Variants in RSU1 observed in about 807,000 individuals in gnomAD.
RSU1 encodes the protein rsu-1.
RSU1 carries 26 observed loss-of-function variants against 31.1 expected under a neutral mutation model. The ratio of observed to expected loss-of-function variants is 0.84; its 90% CI spans 0.61 to 1.16. RSU1 has a LOEUF of 1.16. Among genes scored for constraint, RSU1 ranks in the 50% most tolerant of loss-of-function variants. The pLI, the probability that RSU1 is intolerant of heterozygous loss-of-function variation, is 0.00. For synonymous variants in RSU1, 164 were observed against 136.3 expected (o/e 1.20, Z -1.41); for missense variants, 320 against 339.1 (o/e 0.94, Z 0.44).
At chr10:16,677,481 A>G (rs1412408026) in intron 8 of RSU1, among the ~76,000 whole-genome samples, 1 of 152,192 alleles carries the variant, frequency 6.6e-6, no homozygotes, top group Non-Finnish European at 1.5e-5. Flanking sequence ...TTTATAATGC[A>G]GGTCCTGAAT....
chr10:16,813,198 C>T lies in RSU1; in HGVS notation c.109+3775G>A, dbSNP rs553601407. On this transcript the variant is annotated intron_variant, in intron 2 of 8. Transcript: ENST00000345264. ...ACACTGGTGTTCTTGGAAGCTTTAACGAGAATGTGTGTGCAAATTACATGC... is the reference window on the plus strand; with the variant it reads ...ACACTGGTGTTCTTGGAAGCTTTAATGAGAATGTGTGTGCAAATTACATGC... Among the ~76,000 whole-genome samples, 112 of 152,012 alleles carry T rather than the reference C, an allele frequency of 7.4e-4. 1 individual carries two copies. Among genetic ancestry groups the T allele is most frequent in the Non-Finnish European group, 8.2e-4 (56 of 67,984 alleles).
chr10:16,791,815 G>A (rs1003483765), intron 2 of RSU1, among the ~76,000 whole-genome samples: 2 of 152,232 alleles, frequency 1.3e-5, no homozygotes, highest in Non-Finnish European at 2.9e-5. Context: ...CCACAGCCCT[G>A]TAAGATGACA....
At chr10:16,599,116 T>C (rs983775999) in intron 8 of RSU1, among the ~76,000 whole-genome samples, 31 of 152,266 alleles carry the variant, frequency 2.0e-4, no homozygotes, top group African/African-American at 7.0e-4. Flanking sequence ...TGCATGTACC[T>C]GGATTGAATT....
At chr10:16,664,583 G>C (rs180823135) in intron 8 of RSU1, among the ~76,000 whole-genome samples, 2 of 152,220 alleles carry the variant, frequency 1.3e-5, no homozygotes, top group Non-Finnish European at 2.9e-5. Context: ...CTGGGTTAGA[G>C]TCTGCAGTCC....
In RSU1 at chr10:16,735,316, G is replaced by A. The variant is rs111318207; in HGVS notation, c.598+17223C>T. Reference sequence around the variant, plus strand: ...GAAGTCTGATATGCATCCTAATACCGCTATGTCTGCTATGGAATCCAGCCA... The same window carrying A: ...GAAGTCTGATATGCATCCTAATACCACTATGTCTGCTATGGAATCCAGCCA... On this transcript the variant is annotated intron_variant, in intron 7 of 8. Transcript: ENST00000345264. Among the ~76,000 whole-genome samples, 377 of 152,268 alleles carry A rather than the reference G, an allele frequency of 2.5e-3. 3 individuals are homozygous for A. Among genetic ancestry groups the A allele is most frequent in the African/African-American group, 7.5e-3 (312 of 41,546 alleles).
chr10:16,694,092 CGTGGAA>C (rs1323027888), intron 8 of RSU1, among the ~76,000 whole-genome samples: 1 of 151,948 alleles, frequency 6.6e-6, no homozygotes, highest in Non-Finnish European at 1.5e-5. Flanking sequence ...AACAGAAGCA[CGTGGAA>C]GTGGCAGAAT....
rs1833492502 is a variant in RSU1, at chr10:16,590,802, CA to C, written c.*2591del. On this transcript the variant is annotated 3_prime_UTR_variant, in exon 9 of 9. Transcript: ENST00000345264. The stretch of plus-strand genomic sequence containing the variant: ...AATTTTTATGCACACGTATTACAAA[CA>C]AGCTTCCTTTTGACACAGCTGGGAC... The C allele has an allele frequency of 6.6e-6, 1 of 152,216 alleles. No individual in the cohort carries two copies. Among genetic ancestry groups the C allele is most frequent in the African/African-American group, 2.4e-5 (1 of 41,472 alleles). The allele number at this position is 152,216 out of a possible 1,614,324, so 9.4% of individuals were successfully genotyped here.
intron 2 of RSU1, among the ~76,000 whole-genome samples, chr10:16,801,879 A>T (rs1490054234): frequency 6.6e-6 from 1 of 152,122 alleles, no homozygotes; most frequent in Admixed American, 6.5e-5. Flanking sequence ...AGCAAAATCA[A>T]TGCTAAAGGA....
intron 8 of RSU1, among the ~76,000 whole-genome samples, chr10:16,612,255 A>G (rs1211770238): frequency 6.6e-6 from 1 of 152,218 alleles, no homozygotes; most frequent in Non-Finnish European, 1.5e-5. Flanking sequence ...AAATGTTGCA[A>G]TATGTATGCT....
At chr10:16,621,429 G>C (rs890583358) in intron 8 of RSU1, among the ~76,000 whole-genome samples, 10 of 152,172 alleles carry the variant, frequency 6.6e-5, no homozygotes, top group African/African-American at 2.4e-4. Context: ...TTTCCTTCCA[G>C]TAGTGGTTCC....
At chr10:16,788,341 G>A (rs939688199) in intron 2 of RSU1, among the ~76,000 whole-genome samples, 8 of 152,250 alleles carry the variant, frequency 5.3e-5, no homozygotes, top group East Asian at 1.9e-4. Context: ...ATTCATATAC[G>A]GAAGCCCGAA....
At chr10:16,733,322 C>G (rs1382845948) in intron 7 of RSU1, among the ~76,000 whole-genome samples, 5 of 132,956 alleles carry the variant, frequency 3.8e-5, no homozygotes, top group Admixed American at 2.4e-4. Context: ...GAAACCCCAT[C>G]TCTACGACAA....
chr10:16,772,615 A>T (rs1330022849), intron 3 of RSU1, among the ~76,000 whole-genome samples: 1 of 144,858 alleles, frequency 6.9e-6, no homozygotes, highest in African/African-American at 2.6e-5. Flanking sequence ...ATTCCAAAAC[A>T]CTGGAAAGAG....
rs1479557865 is a variant in RSU1, at chr10:16,752,976, C to G, written c.425G>C (p.Ser142Thr). ...CGGCAGGATTTCAAAATCGTTGTCA[C>G]TTAGATAGAGTGCACGCAGGGTGGC... ...YLTTLRALYL[S>T]DNDFEILPPD... Residue 142 changes from serine (S) to threonine (T), a missense_variant, in exon 6 of 9, where the codon AGT (serine) becomes ACT (threonine). Coordinates refer to ENST00000345264, the MANE Select transcript of RSU1 (RefSeq NM_012425.4). The G allele has an allele frequency of 6.2e-7, 1 of 1,613,780 alleles. No individual in the cohort carries two copies. The highest frequency in any genetic ancestry group is 1.3e-5 in the African/African-American group (1 of 74,922).
At chr10:16,732,150 C>A (rs947498032) in intron 7 of RSU1, among the ~76,000 whole-genome samples, 2 of 152,138 alleles carry the variant, frequency 1.3e-5, no homozygotes, top group Admixed American at 6.5e-5. Context: ...ATGGGAAGTA[C>A]ACAAAGGGAC....
At chr10:16,597,512 C>T (rs917095667) in intron 8 of RSU1, among the ~76,000 whole-genome samples, 2 of 152,122 alleles carry the variant, frequency 1.3e-5, no homozygotes, top group Non-Finnish European at 2.9e-5. Context: ...CCTCCCTCTC[C>T]GTGCCTCAGT....
At chr10:16,657,049 G>C (rs973815501) in intron 8 of RSU1, among the ~76,000 whole-genome samples, 1 of 152,176 alleles carries the variant, frequency 6.6e-6, no homozygotes, top group African/African-American at 2.4e-5. Context: ...TTATTCCGCA[G>C]AGATTTTCCT....
intron 8 of RSU1, among the ~76,000 whole-genome samples, chr10:16,644,850 C>T (rs1393578653): frequency 1.3e-5 from 2 of 152,176 alleles, no homozygotes; most frequent in African/African-American, 2.4e-5. Flanking sequence ...AACACCAGTA[C>T]AAATAATTGA....
At chr10:16,776,614 A>G (rs11817427) in intron 3 of RSU1, among the ~76,000 whole-genome samples, 30,621 of 152,022 alleles carry the variant, frequency 0.2, 3,305 homozygotes, top group African/African-American at 0.29. Flanking sequence ...AAAACTGCCA[A>G]TACCTCAGGA....
Sources: allele counts gnomAD v4.1 joint callset (sites outside exome capture counted in the v4.1 genomes callset), GRCh38; gene constraint gnomAD v4.1.1; transcripts MANE v1.5; gene names NCBI Gene and HGNC (gene_info 2026-07-23, HGNC 2026-07-21).